The following DCC variants were observed in gnomAD, a reference collection of about 807,000 sequenced individuals.
The protein encoded by DCC is netrin receptor DCC.
DCC carries 58 observed loss-of-function variants against 172.5 expected under a neutral mutation model. The observed-to-expected ratio is 0.34, with a 90% confidence interval of 0.27 to 0.42. DCC has a LOEUF of 0.42. DCC is among the 10% of genes least tolerant of loss of function. The probability of loss-of-function intolerance (pLI) is 1.00; values close to 1 mark genes in which losing one functional copy is unlikely to be tolerated. For missense variants in DCC, 1,740 were observed against 1,791.0 expected, an observed-to-expected ratio of 0.97 and a Z score of 0.51; for synonymous variants, 709 against 644.5, an observed-to-expected ratio of 1.10 and a Z score of -1.52.
At chr18:53,262,871 A>G (rs2056622462) in intron 12 of DCC, among the ~76,000 whole-genome samples, 6 of 152,236 alleles carry the variant, frequency 3.9e-5, no homozygotes, top group Admixed American at 3.9e-4. Flanking sequence ...TAATTTCATG[A>G]TATTTTCAGG....
At chr18:52,372,766 A>G (rs191158285) in intron 1 of DCC, among the ~76,000 whole-genome samples, 13 of 152,256 alleles carry the variant, frequency 8.5e-5, no homozygotes, top group African/African-American at 2.6e-4. Context: ...TGACGGTGCA[A>G]AACCCAAGAA....
chr18:53,104,825 A>C (rs1320734776), intron 7 of DCC, among the ~76,000 whole-genome samples: 1 of 152,004 alleles, frequency 6.6e-6, no homozygotes, highest in Admixed American at 6.6e-5. Context: ...TTGGGTCCCG[A>C]ATGCTCAAGA....
intron 5 of DCC, among the ~76,000 whole-genome samples, chr18:53,040,949 A>G (rs2042160474): frequency 6.6e-6 from 1 of 151,876 alleles, no homozygotes; most frequent in African/African-American, 2.4e-5. Flanking sequence ...TAAGAGGATC[A>G]ATAGATTGCA....
At chr18:52,604,321 G>C (rs1486738083) in intron 1 of DCC, among the ~76,000 whole-genome samples, 1 of 151,964 alleles carries the variant, frequency 6.6e-6, no homozygotes, top group African/African-American at 2.4e-5. Flanking sequence ...CAAGGAACAG[G>C]GAACATCTGA....
intron 15 of DCC, among the ~76,000 whole-genome samples, chr18:53,359,247 A>G (rs2057918266): frequency 6.6e-6 from 1 of 152,144 alleles, no homozygotes; most frequent in African/African-American, 2.4e-5. Flanking sequence ...TTCTCTTACC[A>G]AATTATTCCA....
chr18:53,019,999 C>T (rs1322287993), intron 5 of DCC, among the ~76,000 whole-genome samples: 1 of 152,068 alleles, frequency 6.6e-6, no homozygotes, highest in Admixed American at 6.5e-5. Flanking sequence ...TGCAGGTAAA[C>T]TAAAAGTGAT....
intron 19 of DCC, among the ~76,000 whole-genome samples, chr18:53,408,712 T>C (rs1909816232): frequency 6.6e-6 from 1 of 152,168 alleles, no homozygotes. Context: ...TATCCTGTCT[T>C]GGGGTCTGTA....
chr18:53,271,329 A>C, intron 12 of DCC, among the ~76,000 whole-genome samples: 1 of 152,204 alleles, frequency 6.6e-6, no homozygotes, highest in East Asian at 1.9e-4. Flanking sequence ...TATTGCATAA[A>C]AAATTACCCC....
At chr18:53,473,738 G>A (rs544650069) in intron 25 of DCC, among the ~76,000 whole-genome samples, 12 of 152,190 alleles carry the variant, frequency 7.9e-5, no homozygotes, top group Non-Finnish European at 1.2e-4. Context: ...AACCTCTACG[G>A]TATACTGCTT....
chr18:53,011,690 A>G (rs1192277833), intron 5 of DCC, among the ~76,000 whole-genome samples: 8 of 151,764 alleles, frequency 5.3e-5, no homozygotes, highest in Admixed American at 1.3e-4. Context: ...ATTCATAGGG[A>G]TTCTGCAACT....
intron 1 of DCC, among the ~76,000 whole-genome samples, chr18:52,370,337 T>C (rs1985060998): frequency 6.6e-6 from 1 of 152,146 alleles, no homozygotes; most frequent in African/African-American, 2.4e-5. Flanking sequence ...CAAATGTCCA[T>C]CAATAATAGA....
At chr18:52,468,679 A>T (rs968919001) in intron 1 of DCC, among the ~76,000 whole-genome samples, 1 of 152,240 alleles carries the variant, frequency 6.6e-6, no homozygotes, top group African/African-American at 2.4e-5. Context: ...GCCAGGAGAC[A>T]TAAACACTAG....
intron 1 of DCC, among the ~76,000 whole-genome samples, chr18:52,750,530 G>C (rs1291314453): frequency 6.6e-6 from 1 of 152,166 alleles, no homozygotes; most frequent in Non-Finnish European, 1.5e-5. Flanking sequence ...TTCTGAGTGA[G>C]TGGCCAAGGT....
Position 52,392,497 on chromosome 18 carries a change from AC to A in DCC, c.91+51622del, listed in dbSNP as rs565273440. On this transcript the variant is annotated intron_variant, in intron 1 of 28. Coordinates refer to ENST00000442544, the MANE Select transcript of DCC (RefSeq NM_005215.4). ...GTGAGAAAGGGTAGTATATGTGTAA[AC>A]CCAATTCATATTTACTTTATGTACA... is the stretch of plus-strand genomic sequence containing the variant. Among the ~76,000 whole-genome samples the A allele has an allele frequency of 3.2e-4, 48 of 152,246 alleles. No individual in the cohort carries two copies. The East Asian group carries it at 7.6e-3, about 24-fold the overall frequency.
chr18:52,362,510 G>A (rs1307839815), intron 1 of DCC, among the ~76,000 whole-genome samples: 1 of 152,202 alleles, frequency 6.6e-6, no homozygotes, highest in Non-Finnish European at 1.5e-5. Flanking sequence ...AAGTTTGTAA[G>A]GGGAAGATAA....
intron 1 of DCC, among the ~76,000 whole-genome samples, chr18:52,403,006 G>A (rs962072627): frequency 7.9e-5 from 12 of 152,132 alleles, no homozygotes; most frequent in Admixed American, 7.9e-4. Flanking sequence ...AGATGCATGT[G>A]TTTTCTGTGC....
Position 53,289,242 on chromosome 18 carries a change from C to G in DCC, c.1912-16336C>G, listed in dbSNP as rs193196017. ...CTCAAGTTTAGAAAGGAACATTTTA[C>G]CTATACCATCGTAACTGAAAACTAT... is the stretch of plus-strand genomic sequence containing the variant. On this transcript the variant is annotated intron_variant, in intron 12 of 28. Transcript: ENST00000442544. 2.0e-5 allele frequency among the ~76,000 whole-genome samples: 3 copies of G among 152,202 alleles called. No individual in the cohort carries two copies. The East Asian group carries it at 5.8e-4, about 29-fold the overall frequency.
At chr18:53,109,792 T>TTTTTTTCC (rs542600523) in intron 7 of DCC, among the ~76,000 whole-genome samples, 55 of 151,756 alleles carry the variant, frequency 3.6e-4, no homozygotes, top group African/African-American at 1.2e-3. Context: ...ATGTTGTCCT[T>TTTTTTTCC]TTTTTTCCTT....
chr18:53,028,338 A>G (rs924255671), intron 5 of DCC, among the ~76,000 whole-genome samples: 1 of 152,140 alleles, frequency 6.6e-6, no homozygotes, highest in African/African-American at 2.4e-5. Flanking sequence ...ATTGTATTTA[A>G]TAATCACGTC....
Sources: allele counts gnomAD v4.1 joint callset (sites outside exome capture counted in the v4.1 genomes callset), GRCh38; gene constraint gnomAD v4.1.1; transcripts MANE v1.5; gene names NCBI Gene and HGNC (gene_info 2026-07-23, HGNC 2026-07-21).